Variants in RNF38 observed in about 807,000 individuals in gnomAD.
RNF38 encodes the protein ring finger protein 38.
Under a neutral mutation model 67.2 loss-of-function variants are expected in RNF38, and 15 were observed. The ratio of observed to expected loss-of-function variants is 0.22; its 90% CI spans 0.15 to 0.34. RNF38 has a LOEUF of 0.34. Among genes scored for constraint, RNF38 ranks in the 10% least tolerant of loss-of-function variants. The probability of loss-of-function intolerance (pLI) is 1.00; values close to 1 mark genes in which losing one functional copy is unlikely to be tolerated. For synonymous variants in RNF38, 220 were observed against 218.8 expected (o/e 1.01, Z -0.05); for missense variants, 524 against 639.9 (o/e 0.82, Z 1.95).
intron 6 of RNF38, among the ~76,000 whole-genome samples, chr9:36,355,607 A>G (rs1182380938): frequency 6.6e-6 from 1 of 152,130 alleles, no homozygotes; most frequent in Non-Finnish European, 1.5e-5. Context: ...ATTTTATAAT[A>G]TTTTCATTTT....
intron 2 of RNF38, among the ~76,000 whole-genome samples, chr9:36,381,140 C>A (rs368319097): frequency 1.3e-5 from 2 of 152,198 alleles, no homozygotes; most frequent in South Asian, 2.1e-4. Context: ...CAGATTTTCA[C>A]GATCCATGCT....
At chr9:36,400,867 A>G, upstream of RNF38, 1 of 971,768 alleles carries the variant, frequency 1.0e-6, no homozygotes, top group Non-Finnish European at 1.2e-6. Flanking sequence ...GTCCCGCAAC[A>G]CCGCACTAGG....
At chr9:36,451,384 G>A (rs1193445634) in intron 1 of RNF38, among the ~76,000 whole-genome samples, 2 of 151,116 alleles carry the variant, frequency 1.3e-5, no homozygotes, top group African/African-American at 4.9e-5. Flanking sequence ...AGAATCGCTT[G>A]AAGCCGGGAG....
At chr9:36,422,663 A>C (rs2134236833) in intron 2 of RNF38, among the ~76,000 whole-genome samples, 2 of 152,334 alleles carry the variant, frequency 1.3e-5, no homozygotes, top group South Asian at 4.1e-4. Flanking sequence ...ATTTCCATTT[A>C]GGAAACAATC....
chr9:36,370,419 A>C (rs1182340337), intron 3 of RNF38, among the ~76,000 whole-genome samples: 1 of 152,236 alleles, frequency 6.6e-6, no homozygotes, highest in Non-Finnish European at 1.5e-5. Flanking sequence ...TTAAAAAATG[A>C]GAAAACATGA....
intron 4 of RNF38, among the ~76,000 whole-genome samples, chr9:36,361,365 G>A (rs889845266): frequency 4.0e-5 from 6 of 150,826 alleles, no homozygotes; most frequent in South Asian, 2.1e-4. Context: ...GGGTTTCACC[G>A]TGTTAGCCAG....
Position 36,340,581 on chromosome 9 carries a change from A to G in RNF38, c.1486-767T>C, listed in dbSNP as rs188071385. On this transcript the variant is annotated intron_variant, in intron 11 of 11. Transcript: ENST00000259605. Reference sequence around the variant, plus strand: ...AAAGACGGGTTTCACTAAGTTGCCCAGGCTGGTCTCAAACTCCAGGCCTCA... The same window carrying G: ...AAAGACGGGTTTCACTAAGTTGCCCGGGCTGGTCTCAAACTCCAGGCCTCA... 7.2e-4 allele frequency among the ~76,000 whole-genome samples: 109 copies of G among 152,348 alleles called. 1 individual carries two copies. Among genetic ancestry groups the G allele is most frequent in the South Asian group, 1.9e-3 (9 of 4,824 alleles).
chr9:36,428,510 A>G (rs1838848262), intron 1 of RNF38, among the ~76,000 whole-genome samples: 1 of 151,708 alleles, frequency 6.6e-6, no homozygotes, highest in South Asian at 2.1e-4. Flanking sequence ...CTGGACCACG[A>G]CCACATGTTT....
chr9:36,407,893 A>AT (rs1481189716), intron 2 of RNF38, among the ~76,000 whole-genome samples: 9 of 152,082 alleles, frequency 5.9e-5, no homozygotes, highest in African/African-American at 1.7e-4. Flanking sequence ...CCATCTCTGT[A>AT]TTTTTTTTAA....
At chr9:36,415,684 T>C (rs1306850707) in intron 2 of RNF38, among the ~76,000 whole-genome samples, 1 of 152,174 alleles carries the variant, frequency 6.6e-6, no homozygotes, top group African/African-American at 2.4e-5. Context: ...TATCCCGGTC[T>C]CTCAGCTGTG....
At chr9:36,464,944 C>T (rs1460298544) in intron 1 of RNF38, among the ~76,000 whole-genome samples, 1 of 152,160 alleles carries the variant, frequency 6.6e-6, no homozygotes, top group Non-Finnish European at 1.5e-5. Flanking sequence ...TAGTGCTCTG[C>T]CTCTGACAGA....
chr9:36,365,582 A>G (rs2133712333), intron 4 of RNF38, among the ~76,000 whole-genome samples: 1 of 152,130 alleles, frequency 6.6e-6, no homozygotes, highest in East Asian at 1.9e-4. Flanking sequence ...TCAAAAAATA[A>G]ATAAGTTTTC....
At chr9:36,362,364 A>AG (rs1480521162) in intron 4 of RNF38, among the ~76,000 whole-genome samples, 1 of 151,146 alleles carries the variant, frequency 6.6e-6, no homozygotes, top group Non-Finnish European at 1.5e-5. Flanking sequence ...GTCTCGGGGG[A>AG]GGGGGGAGAA....
At chr9:36,428,647 T>C (rs941687261) in intron 1 of RNF38, among the ~76,000 whole-genome samples, 4 of 152,152 alleles carry the variant, frequency 2.6e-5, no homozygotes, top group Admixed American at 6.6e-5. Context: ...AGCATTATTC[T>C]GACCTTAGGC....
rs1241753421 is a variant in RNF38 at position 36,337,874 on chromosome 9, T to C, written c.*1878A>G. The C allele has an allele frequency of 2.6e-5, 4 of 152,652 alleles. No individual in the cohort carries two copies. Among genetic ancestry groups the C allele is most frequent in the Non-Finnish European group, 5.9e-5 (4 of 68,040 alleles). The allele number at this position is 152,652 out of a possible 1,614,324, so 9.5% of individuals were successfully genotyped here. ...GGGGCAAACACAGTATGCAAAACCC[T>C]ACTTGTAGGACTAGATAGAGGCAAC... is the stretch of plus-strand genomic sequence containing the variant. On this transcript the variant is annotated 3_prime_UTR_variant, in exon 12 of 12. Coordinates refer to ENST00000259605, the MANE Select transcript of RNF38 (RefSeq NM_022781.5).
rs1587461569 is a variant in RNF38, at chr9:36,344,951, G to C, written c.1266C>G (p.Ala422=). 3.1e-6 allele frequency: 5 copies of C among 1,603,098 alleles called. No homozygotes were observed. In the East Asian group the frequency reaches 1.1e-4, roughly 36 times the overall value. Residue 422 remains alanine (A), a splice_region_variant and synonymous_variant, in exon 10 of 12, where the codon GCC becomes GCG. Transcript: ENST00000259605. ...CCAGTCGCTCTGCCAGGTTTAACAG[G>C]GCCTGCAGCGGTAAAAGACGACATA... ...VEDGEVENYE[A]LLNLAERLGE... is the part of the protein sequence containing the mutation.
Position 36,379,180 on chromosome 9 carries a change from G to A in RNF38, c.163-3053C>T, listed in dbSNP as rs146404124. Among the ~76,000 whole-genome samples the A allele has an allele frequency of 6.0e-3, 912 of 152,306 alleles. 14 individuals carry two copies. Among genetic ancestry groups the A allele is most frequent in the African/African-American group, 0.021 (870 of 41,566 alleles). ...CTCCCAAAGTGTTGGGATTACAGGC[G>A]TGAGCCACTGCGCTGGGCCAATAAG... On this transcript the variant is annotated intron_variant, in intron 2 of 11. Transcript: ENST00000259605.
chr9:36,417,479 CAAT>C (rs1225164189), intron 2 of RNF38, among the ~76,000 whole-genome samples: 2 of 152,034 alleles, frequency 1.3e-5, no homozygotes, highest in Non-Finnish European at 2.9e-5. Flanking sequence ...CTAAAAGTAC[CAAT>C]AATAATTCTA....
chr9:36,482,084 G>A (rs1275509007), intron 1 of RNF38, among the ~76,000 whole-genome samples: 1 of 125,254 alleles, frequency 8.0e-6, no homozygotes, highest in Non-Finnish European at 1.6e-5. Flanking sequence ...ACGAAGTTTC[G>A]CTCTTGTTGC....
Sources: allele counts gnomAD v4.1 joint callset (sites outside exome capture counted in the v4.1 genomes callset), GRCh38; gene constraint gnomAD v4.1.1; transcripts MANE v1.5; gene names NCBI Gene and HGNC (gene_info 2026-07-23, HGNC 2026-07-21).